WIPF3: variants seen among roughly 807,000 people sequenced by gnomAD.
WIPF3 encodes the protein WAS/WASL interacting protein family member 3.
In WIPF3, 33 loss-of-function variants were observed where a neutral mutation model predicts 38.9. The observed-to-expected ratio is 0.85, with a 90% CI of 0.64 to 1.14. The LOEUF is 1.14. WIPF3 is among the 50% of genes most tolerant of loss of function. The pLI is 0.00. For missense variants in WIPF3, 711 were observed against 652.5 expected, an observed-to-expected ratio of 1.09 and a Z score of -0.98; for synonymous variants, 324 against 269.3, an observed-to-expected ratio of 1.20 and a Z score of -1.99.
intron 2 of WIPF3, among the ~76,000 whole-genome samples, chr7:29,866,030 A>G (rs1785381303): frequency 6.6e-6 from 1 of 152,164 alleles, no homozygotes; most frequent in South Asian, 2.1e-4. Context: ...GTGATGGCAC[A>G]TGCCTGTAAT....
At chr7:29,808,753 G>A (rs1212555202) in intron 1 of WIPF3, among the ~76,000 whole-genome samples, 2 of 152,020 alleles carry the variant, frequency 1.3e-5, no homozygotes, top group Non-Finnish European at 2.9e-5. Flanking sequence ...AAGAACAGGG[G>A]AAAGCCAGCT....
chr7:29,859,466 C>A (rs1269079340), intron 2 of WIPF3, among the ~76,000 whole-genome samples: 1 of 152,160 alleles, frequency 6.6e-6, no homozygotes, highest in African/African-American at 2.4e-5. Flanking sequence ...ATCAGGAATG[C>A]TTTATGTGAG....
chr7:29,864,072 A>G (rs112602636), intron 2 of WIPF3, among the ~76,000 whole-genome samples: 1,906 of 152,308 alleles, frequency 0.013, 35 homozygotes, highest in African/African-American at 0.034. Context: ...TATGATGGTC[A>G]GTGAGAGTGG....
chr7:29,874,235 T>C (rs1198094742), intron 2 of WIPF3, among the ~76,000 whole-genome samples: 4 of 152,062 alleles, frequency 2.6e-5, no homozygotes, highest in Non-Finnish European at 5.9e-5. Flanking sequence ...ACTCACTCAC[T>C]CAAGTCATTT....
rs34105700 is a variant in WIPF3 at position 29,894,764 on chromosome 7, GACACAC to G, written c.1351+5376_1351+5381del. Among the ~76,000 whole-genome samples the G allele has an allele frequency of 7.4e-5, 11 of 148,108 alleles. No individual in the cohort carries two copies. In the East Asian group the frequency reaches 1.2e-3, roughly 16 times the overall value. On this transcript the variant is annotated intron_variant, in intron 7 of 8. Transcript: ENST00000242140. ...CTGCTTGTTTGCTGTCTCTCTTTCT[GACACAC>G]ACACACACACACACACACGACACAC...
chr7:29,843,680 CT>C (rs1784954203), intron 2 of WIPF3, among the ~76,000 whole-genome samples: 1 of 152,188 alleles, frequency 6.6e-6, no homozygotes, highest in Non-Finnish European at 1.5e-5. Flanking sequence ...CCAGGTTTGT[CT>C]TTTCATCTGT....
At chr7:29,892,812 A>G (rs942313616) in intron 7 of WIPF3, among the ~76,000 whole-genome samples, 4 of 152,190 alleles carry the variant, frequency 2.6e-5, no homozygotes, top group African/African-American at 9.6e-5. Flanking sequence ...AGCTATTATA[A>G]GAGTCTGTGC....
At chr7:29,906,070 G>A (rs1247565128) in intron 8 of WIPF3, 26 of 152,172 alleles carry the variant, frequency 1.7e-4, no homozygotes, top group Admixed American at 1.7e-3. Flanking sequence ...CTGGGGGACA[G>A]AGAGAATTGA....
intron 7 of WIPF3, among the ~76,000 whole-genome samples, chr7:29,894,226 T>A (rs1468876984): frequency 6.6e-6 from 1 of 152,166 alleles, no homozygotes; most frequent in Non-Finnish European, 1.5e-5. Flanking sequence ...GCTAGCTGCA[T>A]TTTATGTCCG....
chr7:29,891,215 G>T (rs1270062544), intron 7 of WIPF3, among the ~76,000 whole-genome samples: 2 of 132,600 alleles, frequency 1.5e-5, no homozygotes, highest in Non-Finnish European at 3.3e-5. Context: ...GCGAGGGCCT[G>T]CCCTGTGCTC....
intron 2 of WIPF3, among the ~76,000 whole-genome samples, chr7:29,849,066 A>G (rs1583602013): frequency 6.6e-6 from 1 of 152,244 alleles, no homozygotes; most frequent in East Asian, 1.9e-4. Context: ...ATAAAAGTTC[A>G]TAAGTCATCT....
At chr7:29,859,100 T>G (rs551166178) in intron 2 of WIPF3, among the ~76,000 whole-genome samples, 12 of 152,234 alleles carry the variant, frequency 7.9e-5, no homozygotes, top group African/African-American at 2.9e-4. Context: ...GAGCTGTTTT[T>G]GGGGAAATAT....
intron 7 of WIPF3, among the ~76,000 whole-genome samples, chr7:29,898,397 C>A (rs1002000718): frequency 2.6e-5 from 4 of 152,180 alleles, no homozygotes; most frequent in African/African-American, 9.7e-5. Context: ...CTGCCCTAAG[C>A]CACTGTCATT....
intron 1 of WIPF3, among the ~76,000 whole-genome samples, chr7:29,825,723 A>C (rs1003324527): frequency 3.2e-4 from 49 of 152,216 alleles, no homozygotes; most frequent in African/African-American, 1.1e-3. Flanking sequence ...ACAAATTTGC[A>C]TTTCAATAAG....
In WIPF3 at chr7:29,878,084, A is replaced by AGAAATATTTTCAACATTGG. The variant is rs1172568580; in HGVS notation, c.224-907_224-906insGGAAATATTTTCAACATTG. Reference sequence around the variant, plus strand: ...TTTTAAAGAAATATTTTCAACATTGAGAAATATTTTCAACATTGAGTACAT... The same window carrying AGAAATATTTTCAACATTGG: ...TTTTAAAGAAATATTTTCAACATTGAGAAATATTTTCAACATTGGGAAATATTTTCAACATTGAGTACAT... On this transcript the variant is annotated intron_variant, in intron 3 of 8. Coordinates refer to ENST00000242140, the MANE Select transcript of WIPF3 (RefSeq NM_001080529.3). This position sits in a 1 kb window ranked among gnomAD's most constrained non-coding sequence, Gnocchi z 4.0. Among the ~76,000 whole-genome samples, 9 of 151,036 alleles carry AGAAATATTTTCAACATTGG rather than the reference A, an allele frequency of 6.0e-5. No individual in the cohort carries two copies. Among genetic ancestry groups the AGAAATATTTTCAACATTGG allele is most frequent in the Non-Finnish European group, 8.8e-5 (6 of 68,030 alleles).
chr7:29,870,936 A>AACAGAGTG (rs1232287764), intron 2 of WIPF3, among the ~76,000 whole-genome samples: 3 of 150,240 alleles, frequency 2.0e-5, no homozygotes, highest in Non-Finnish European at 4.4e-5. Context: ...CAGCCTGGGC[A>AACAGAGTG]ACAGAGTGAC....
intron 2 of WIPF3, among the ~76,000 whole-genome samples, chr7:29,843,694 G>A (rs556493932): frequency 1.2e-4 from 19 of 152,248 alleles, no homozygotes; most frequent in African/African-American, 4.3e-4. Context: ...TCATCTGTAC[G>A]CTGCTGTGCT....
At chr7:29,893,847 G>A (rs73075988) in intron 7 of WIPF3, among the ~76,000 whole-genome samples, 3,248 of 152,114 alleles carry the variant, frequency 0.021, 57 homozygotes, top group Non-Finnish European at 0.033. Context: ...CACCCACCTG[G>A]CCCCTGAAGG....
intron 7 of WIPF3, among the ~76,000 whole-genome samples, chr7:29,894,327 C>T (rs1408179431): frequency 6.6e-6 from 1 of 152,126 alleles, no homozygotes; most frequent in Non-Finnish European, 1.5e-5. Flanking sequence ...GCAGTCTGTG[C>T]ACCAAAAATA....
Sources: gnomAD v4.1 joint callset for allele counts (sites outside exome capture counted in the v4.1 genomes callset) on GRCh38, gnomAD v4.1.1 for gene constraint, Gnocchi (gnomAD v3.1) non-coding constraint, MANE v1.5 for transcripts, NCBI Gene and HGNC (gene_info 2026-07-23, HGNC 2026-07-21) for gene names.